Variants in NXPH4 observed in about 807,000 individuals in gnomAD.
The protein encoded by NXPH4 is neurexophilin 4.
A neutral mutation model predicts 21.3 loss-of-function variants in NXPH4; 8 were observed. The ratio of observed to expected loss-of-function variants is 0.38; its 90% CI spans 0.22 to 0.68. The LOEUF is 0.68. Ranked by LOEUF, NXPH4 falls within the 30% of genes least tolerant of loss-of-function variation. NXPH4 has a pLI of 0.53. For synonymous variants in NXPH4, 219 were observed against 192.6 expected (o/e 1.14, Z -1.13); for missense variants, 418 against 416.8 (o/e 1.00, Z -0.03).
intron 1 of NXPH4, among the ~76,000 whole-genome samples, chr12:57,222,248 G>A (rs1235827083): frequency 6.6e-6 from 1 of 152,110 alleles, no homozygotes; most frequent in Non-Finnish European, 1.5e-5. Context: ...CCAAAGCCAG[G>A]GGATTCGCCA....
intron 1 of NXPH4, among the ~76,000 whole-genome samples, chr12:57,223,274 C>T (rs73344671): frequency 0.018 from 2,781 of 152,212 alleles, 48 homozygotes; most frequent in African/African-American, 0.047. Flanking sequence ...TAGCTACCCT[C>T]AGACCGCTAT....
intron 1 of NXPH4, among the ~76,000 whole-genome samples, chr12:57,222,644 AGAT>A (rs753301109): frequency 3.1e-4 from 47 of 152,058 alleles, no homozygotes; most frequent in East Asian, 1.9e-4. Context: ...GCCCTCTCTC[AGAT>A]TCAGGCCCTG....
Position 57,226,040 on chromosome 12 carries a change from G to C in NXPH4, c.*293G>C, listed in dbSNP as rs1460100565. 28 of 877,770 alleles carry C rather than the reference G, an allele frequency of 3.2e-5. No homozygotes were observed. The highest frequency in any genetic ancestry group is 4.6e-5 in the Non-Finnish European group (28 of 613,514). 54.4% of individuals were successfully genotyped at this position (877,770 alleles called of 1,614,324 possible). A position where few individuals can be genotyped will look rare whatever the true frequency, so the allele number is the denominator to read the frequency against. ...GGTCCCAATGTCCCCTGGGTCCACA[G>C]TGGGTCCCCTTTTCACCCTTGGCGC... On this transcript the variant is annotated 3_prime_UTR_variant, in exon 2 of 2. Transcript: ENST00000349394.
intron 1 of NXPH4, among the ~76,000 whole-genome samples, chr12:57,223,819 G>A (rs527317830): frequency 2.6e-5 from 4 of 152,230 alleles, no homozygotes; most frequent in East Asian, 1.9e-4. Context: ...CCTGCCTCTC[G>A]ATCCATCTTG....
At position 57,225,049 on chromosome 12, in the gene NXPH4, C is replaced by CTGGCCCGGGCAGGGGCAGCCGGGGCG; in HGVS notation, c.231_256dup (p.Leu86TrpfsTer48). On this transcript the variant is annotated frameshift_variant, in exon 2 of 2. Coordinates refer to ENST00000349394, the MANE Select transcript of NXPH4 (RefSeq NM_007224.4). LOFTEE classifies it high-confidence loss of function. Reference sequence around the variant, plus strand: ...CTGGCCGACCAACCACACGGGGGCGCTGGCCCGGGCAGGGGCAGCCGGGGC... The same window carrying CTGGCCCGGGCAGGGGCAGCCGGGGCG: ...CTGGCCGACCAACCACACGGGGGCGCTGGCCCGGGCAGGGGCAGCCGGGGCGTGGCCCGGGCAGGGGCAGCCGGGGC... The CTGGCCCGGGCAGGGGCAGCCGGGGCG allele has an allele frequency of 6.8e-7, 1 of 1,476,930 alleles. No homozygotes were observed. The highest frequency in any genetic ancestry group is 2.6e-5 in the East Asian group (1 of 39,094). 91.5% of individuals were successfully genotyped at this position (1,476,930 alleles called of 1,614,324 possible). A position where few individuals can be genotyped will look rare whatever the true frequency, so the allele number is the denominator to read the frequency against.
At chr12:57,224,266 C>T (rs1227140533) in intron 1 of NXPH4, among the ~76,000 whole-genome samples, 3 of 152,098 alleles carry the variant, frequency 2.0e-5, no homozygotes, top group Admixed American at 1.3e-4. Flanking sequence ...GCTGGGACTA[C>T]AGGCGCACCC....
At position 57,225,931 on chromosome 12, in the gene NXPH4, C is replaced by G; in HGVS notation, c.*184C>G. ...TGCCCTTTTCCTTATGCGGAGTGCC[C>G]GCAAGGCTGGGGTAGCCCCCTCCAG... On this transcript the variant is annotated 3_prime_UTR_variant, in exon 2 of 2. Coordinates refer to ENST00000349394, the MANE Select transcript of NXPH4 (RefSeq NM_007224.4). The G allele has an allele frequency of 7.0e-7, 1 of 1,435,064 alleles. No homozygotes were observed. Among genetic ancestry groups the G allele is most frequent in the South Asian group, 1.5e-5 (1 of 67,382 alleles). The allele number at this position is 1,435,064 out of a possible 1,614,324, so 88.9% of individuals were successfully genotyped here. A position where few individuals can be genotyped will look rare whatever the true frequency, so the allele number is the denominator to read the frequency against.
At position 57,225,544 on chromosome 12, in the gene NXPH4, C is replaced by G. The variant is rs2037136104; in HGVS notation, c.724C>G (p.Arg242Gly). 6.2e-7 allele frequency: 1 copy of G among 1,613,128 alleles called. No homozygotes were observed. The highest frequency in any genetic ancestry group is 8.5e-7 in the Non-Finnish European group (1 of 1,179,986). The change falls in exon 2 of 2, where the codon CGC (arginine) becomes GGC (glycine). Residue 242 changes from arginine (R) to glycine (G), a missense_variant. Arg to Gly is a moderately radical substitution (Grantham distance 125). Coordinates refer to ENST00000349394, the MANE Select transcript of NXPH4 (RefSeq NM_007224.4). ...CCACGTGGAGTATGAGAAGACAAAC[C>G]GCGCGCGCAAGCACCGACCGTGCCT... ...NCHVEYEKTN[R>G]ARKHRPCLYD...
In NXPH4 at chr12:57,225,459, G is replaced by T. The variant is rs751232851; in HGVS notation, c.639G>T (p.Ala213=). 6.3e-7 allele frequency: 1 copy of T among 1,598,422 alleles called. No individual in the cohort carries two copies. The highest frequency in any genetic ancestry group is 1.7e-5 in the Admixed American group (1 of 58,480). The change falls in exon 2 of 2, where the codon GCG becomes GCT. Residue 213 remains alanine, a synonymous_variant. Transcript: ENST00000349394. ...GLGGSLGGAL[A]GPLGGALGVP... ...GGGGCTCCCTCGGGGGCGCACTGGC[G>T]GGGCCGCTTGGGGGCGCGTTGGGAG...
In NXPH4 at chr12:57,224,931, C is replaced by A; in HGVS notation, c.111C>A (p.Arg37=). The change falls in exon 2 of 2, where the codon CGC becomes CGA. Residue 37 remains arginine, a synonymous_variant. Coordinates refer to ENST00000349394, the MANE Select transcript of NXPH4 (RefSeq NM_007224.4). ...GAAGGCCGCAGTACCTGGGGCTGCG[C>A]CCCGCCGCGGCCGGAGCGGGTGCCC... is the stretch of plus-strand genomic sequence containing the variant. ...ESGRPQYLGL[R]PAAAGAGAPG... is the part of the protein sequence containing the mutation. 7.3e-7 allele frequency: 1 copy of A among 1,370,232 alleles called. No homozygotes were observed. The highest frequency in any genetic ancestry group is 9.5e-7 in the Non-Finnish European group (1 of 1,048,878). The allele number at this position is 1,370,232 out of a possible 1,614,324, so 84.9% of individuals were successfully genotyped here. A position where few individuals can be genotyped will look rare whatever the true frequency, so the allele number is the denominator to read the frequency against.
In NXPH4 at chr12:57,225,035, A is replaced by T; in HGVS notation, c.215A>T (p.Asn72Ile). ...GRAWSWAWPTNHTGALARAGA... is the reference protein window; with the variant it reads ...GRAWSWAWPTIHTGALARAGA... ...GCCTGGAGCTGGGCCTGGCCGACCA[A>T]CCACACGGGGGCGCTGGCCCGGGCA... The change falls in exon 2 of 2, where the codon AAC (asparagine) becomes ATC (isoleucine). Residue 72 changes from asparagine (N) to isoleucine (I), a missense_variant. Asn to Ile is a moderately radical substitution (Grantham distance 149). Coordinates refer to ENST00000349394, the MANE Select transcript of NXPH4 (RefSeq NM_007224.4). 6.7e-7 allele frequency: 1 copy of T among 1,486,270 alleles called. No homozygotes were observed. Among genetic ancestry groups the T allele is most frequent in the Non-Finnish European group, 9.0e-7 (1 of 1,116,426 alleles). 92.1% of individuals were successfully genotyped at this position (1,486,270 alleles called of 1,614,324 possible).
intron 1 of NXPH4, chr12:57,221,411 T>G (rs1359982110): frequency 2.2e-6 from 1 of 452,896 alleles, no homozygotes. Context: ...CCAGGGGAGG[T>G]GCACCCTGCA....
rs767691263 is a variant in NXPH4, at chr12:57,224,931, C to T, written c.111C>T (p.Arg37=). Residue 37 remains arginine (R), a synonymous_variant, in exon 2 of 2, where the codon CGC becomes CGT. Transcript: ENST00000349394. Reference sequence around the variant, plus strand: ...GAAGGCCGCAGTACCTGGGGCTGCGCCCCGCCGCGGCCGGAGCGGGTGCCC... The same window carrying T: ...GAAGGCCGCAGTACCTGGGGCTGCGTCCCGCCGCGGCCGGAGCGGGTGCCC... ...ESGRPQYLGL[R]PAAAGAGAPG... The T allele has an allele frequency of 2.9e-6, 4 of 1,370,234 alleles. No individual in the cohort carries two copies. Among genetic ancestry groups the T allele is most frequent in the Non-Finnish European group, 3.8e-6 (4 of 1,048,880 alleles). The allele number at this position is 1,370,234 out of a possible 1,614,324, so 84.9% of individuals were successfully genotyped here. A position where few individuals can be genotyped will look rare whatever the true frequency, so the allele number is the denominator to read the frequency against.
intron 1 of NXPH4, among the ~76,000 whole-genome samples, chr12:57,224,402 G>A (rs1388597959): frequency 1.3e-5 from 2 of 152,202 alleles, no homozygotes; most frequent in Admixed American, 6.5e-5. Flanking sequence ...GATTACAGGC[G>A]TGAGTCACCG....
Position 57,216,921 on chromosome 12 carries a change from C to G in NXPH4, c.-49C>G. The G allele has an allele frequency of 6.8e-7, 1 of 1,473,908 alleles. No individual in the cohort carries two copies. The highest frequency in any genetic ancestry group is 9.1e-7 in the Non-Finnish European group (1 of 1,103,012). 91.3% of individuals were successfully genotyped at this position (1,473,908 alleles called of 1,614,324 possible). On this transcript the variant is annotated 5_prime_UTR_variant, in exon 1 of 2. Transcript: ENST00000349394. This position sits in a 1 kb window ranked among gnomAD's most constrained non-coding sequence, Gnocchi z 5.3. ...AGCCCCGCGTCCCTAGGCCTGGCTC[C>G]CGCCTGCCCGAGACCCGCCCAGCCT...
intron 1 of NXPH4, among the ~76,000 whole-genome samples, chr12:57,222,838 A>AG (rs1243710919): frequency 1.3e-5 from 2 of 151,982 alleles, no homozygotes; most frequent in African/African-American, 2.4e-5. Context: ...GATGGATGGG[A>AG]GGGGGAATGA....
At position 57,216,859 on chromosome 12, in the gene NXPH4, TC is replaced by T. The variant is rs1565761798; in HGVS notation, c.-108del. ...CCGCCGCTCCCGCCGCTCCCGCCGC[TC>T]CCGCCGCTCCCGCAGCCGCCCCGCC... On this transcript the variant is annotated 5_prime_UTR_variant, in exon 1 of 2. Transcript: ENST00000349394. This position sits in a 1 kb window ranked among gnomAD's most constrained non-coding sequence, Gnocchi z 5.3. 5.3e-5 allele frequency: 29 copies of T among 547,190 alleles called. No individual in the cohort carries two copies. The East Asian group carries it at 3.7e-3, about 71-fold the overall frequency. 33.9% of individuals were successfully genotyped at this position (547,190 alleles called of 1,614,324 possible). A position where few individuals can be genotyped will look rare whatever the true frequency, so the allele number is the denominator to read the frequency against.
chr12:57,221,639 T>G (rs2037093307), intron 1 of NXPH4: 1 of 282,574 alleles, frequency 3.5e-6, no homozygotes, highest in East Asian at 9.6e-5. Context: ...ACCCCCCAGC[T>G]GCCGCGCACC....
intron 1 of NXPH4, among the ~76,000 whole-genome samples, chr12:57,222,972 T>C (rs1328167417): frequency 6.6e-6 from 1 of 152,162 alleles, no homozygotes; most frequent in Non-Finnish European, 1.5e-5. Context: ...CTGCTGTTCC[T>C]GTCCCCAGTG....
Sources: allele counts gnomAD v4.1 joint callset (sites outside exome capture counted in the v4.1 genomes callset), GRCh38; gene constraint gnomAD v4.1.1; non-coding constraint Gnocchi (gnomAD v3.1); transcripts MANE v1.5; gene names NCBI Gene and HGNC (gene_info 2026-07-23, HGNC 2026-07-21).